PFKFB1: variants seen among roughly 807,000 people sequenced by gnomAD.
PFKFB1 encodes 6-phosphofructo-2-kinase/fructose-2,6-biphosphatase 1.
Under a neutral mutation model 46.4 loss-of-function variants are expected in PFKFB1, and 34 were observed. The ratio of observed to expected loss-of-function variants is 0.73; its 90% CI spans 0.56 to 0.98. PFKFB1 has a LOEUF of 0.98. Ranked by LOEUF, PFKFB1 falls within the 50% of genes least tolerant of loss-of-function variation. The pLI, the probability that PFKFB1 is intolerant of heterozygous loss-of-function variation, is 0.00. For synonymous variants in PFKFB1, 119 were observed against 133.8 expected (o/e 0.89, Z 0.76); for missense variants, 393 against 376.3 (o/e 1.04, Z -0.37).
intron 10 of PFKFB1, among the ~76,000 whole-genome samples, chrX:54,941,547 A>G (rs1602177715): frequency 8.9e-6 from 1 of 112,180 alleles, no homozygotes; most frequent in African/African-American, 3.2e-5. Context: ...AATTTACAAG[A>G]AAAAAACAAA....
Position 54,949,302 on chromosome X carries a change from A to G in PFKFB1, c.847-81T>C, listed in dbSNP as rs1316427844. On this transcript the variant is annotated intron_variant, in intron 8 of 13. Transcript: ENST00000375006. Reference sequence around the variant, plus strand: ...GCAGGGTGGCCATCAGAACAAGCTCAGATCTGCCACAAATTGAGTGGTGAT... The same window carrying G: ...GCAGGGTGGCCATCAGAACAAGCTCGGATCTGCCACAAATTGAGTGGTGAT... 7.9e-5 allele frequency: 63 copies of G among 798,429 alleles called. No individual in the cohort carries two copies. The Admixed American group carries it at 1.3e-3, about 17-fold the overall frequency. The allele number at this position is 798,429 out of a possible 1,213,427, so 65.8% of individuals were successfully genotyped here. A position where few individuals can be genotyped will look rare whatever the true frequency, so the allele number is the denominator to read the frequency against.
At chrX:54,959,238 G>A (rs1038918423) in intron 4 of PFKFB1, among the ~76,000 whole-genome samples, 3 of 110,484 alleles carry the variant, frequency 2.7e-5, no homozygotes, top group Non-Finnish European at 3.8e-5. Flanking sequence ...CAAAGTCACC[G>A]AGAGTTGCTG....
chrX:54,945,531 C>T lies in PFKFB1; in HGVS notation c.1006G>A (p.Glu336Lys). The change falls in exon 10 of 14, where the codon GAG (glutamate) becomes AAG (lysine). Residue 336 changes from glutamate (E) to lysine (K), a missense_variant. Physicochemically the swap from Glu to Lys is moderately conservative, Grantham distance 56 (BLOSUM62 1). Transcript: ENST00000375006. ...LNEIDAGVCE[E>K]MTYEEIQEHY... is the part of the protein sequence containing the mutation. The stretch of plus-strand genomic sequence containing the variant: ...TCCTGGATTTCTTCATAGGTCATCT[C>T]CTCACAGACACCCTGAGAAAAAGTA... The T allele has an allele frequency of 1.7e-6, 2 of 1,162,717 alleles. No homozygotes were observed. The highest frequency in any genetic ancestry group is 2.3e-6 in the Non-Finnish European group (2 of 854,264).
At chrX:54,980,507 G>C (rs1412348347) in intron 1 of PFKFB1, among the ~76,000 whole-genome samples, 1 of 110,718 alleles carries the variant, frequency 9.0e-6, no homozygotes, top group African/African-American at 3.3e-5. Context: ...TTGGATCTGA[G>C]AGCCTGACTA....
intron 10 of PFKFB1, among the ~76,000 whole-genome samples, chrX:54,938,139 G>A (rs1450392739): frequency 8.9e-6 from 1 of 112,170 alleles, no homozygotes. Context: ...GCCAATCATA[G>A]TAACTAAGAG....
chrX:54,963,515 T>G (rs1934383260), intron 1 of PFKFB1, 133 bp from the exon 2 acceptor site: 1 of 634,801 alleles, frequency 1.6e-6, no homozygotes, highest in Admixed American at 3.8e-5. Flanking sequence ...AAAGTGAAAA[T>G]TAAGAACTTC....
rs1933268966 is a variant in PFKFB1, at chrX:54,933,001, C to T, written c.*402G>A. On this transcript the variant is annotated 3_prime_UTR_variant, in exon 14 of 14. Transcript: ENST00000375006. ...CAAGGCCCACAGGAACTCACAGGCA[C>T]CTATCTTCTCCCCCATCTTTGGAGG... 1 of 145,641 alleles carries T rather than the reference C, an allele frequency of 6.9e-6. No homozygotes were observed. Among genetic ancestry groups the T allele is most frequent in the Admixed American group, 7.6e-5 (1 of 13,236 alleles). The allele number at this position is 145,641 out of a possible 1,213,427, so 12.0% of individuals were successfully genotyped here.
intron 10 of PFKFB1, among the ~76,000 whole-genome samples, chrX:54,938,462 G>C (rs1933488093): frequency 1.8e-5 from 2 of 111,472 alleles, no homozygotes; most frequent in East Asian, 2.8e-4. Flanking sequence ...ATTGGATAAA[G>C]AGTCAAGACC....
rs12010055 is a variant in PFKFB1, at chrX:54,948,828, C to T, written c.993+247G>A. Among the ~76,000 whole-genome samples, 622 of 111,989 alleles carry T rather than the reference C, an allele frequency of 5.6e-3. 3 individuals carry two copies. Among genetic ancestry groups the T allele is most frequent in the African/African-American group, 0.019 (586 of 30,837 alleles). On this transcript the variant is annotated intron_variant, in intron 9 of 13. Coordinates refer to ENST00000375006, the MANE Select transcript of PFKFB1 (RefSeq NM_002625.4). ...ATCCCTTCTACTTCTCCTCTCATAG[C>T]CCTTTGTCACACTGAGATGTAATGT... is the stretch of plus-strand genomic sequence containing the variant.
intron 1 of PFKFB1, among the ~76,000 whole-genome samples, chrX:54,987,874 A>C (rs188418191): frequency 1.8e-5 from 2 of 111,747 alleles, no homozygotes; most frequent in Non-Finnish European, 3.8e-5. Flanking sequence ...TGAATATCAC[A>C]CTTAATGGTG....
At chrX:54,996,315 T>C (rs1935356411), upstream of PFKFB1, among the ~76,000 whole-genome samples, 4 of 112,613 alleles carry the variant, frequency 3.6e-5, no homozygotes, top group Non-Finnish European at 1.9e-5. Context: ...CTTATCTTAT[T>C]TGATCCTTGC....
intron 11 of PFKFB1, among the ~76,000 whole-genome samples, chrX:54,935,983 T>A (rs1933375876): frequency 9.0e-6 from 1 of 111,325 alleles, no homozygotes; most frequent in Non-Finnish European, 1.9e-5. Flanking sequence ...AGACATTAGG[T>A]TGGCTTTTTT....
intron 8 of PFKFB1, 151 bp downstream of exon 8, chrX:54,951,754 C>G: frequency 2.0e-6 from 1 of 497,891 alleles, no homozygotes; most frequent in Non-Finnish European, 3.5e-6. Flanking sequence ...GACTGAGCAG[C>G]TGATGGGTGG....
intron 1 of PFKFB1, among the ~76,000 whole-genome samples, chrX:54,968,968 T>TA (rs1229685489): frequency 9.0e-6 from 1 of 111,347 alleles, no homozygotes; most frequent in African/African-American, 3.3e-5. Flanking sequence ...ATAAGAATCC[T>TA]AAAAAAATGC....
At chrX:54,971,695 A>G (rs2146656664) in intron 1 of PFKFB1, among the ~76,000 whole-genome samples, 1 of 111,685 alleles carries the variant, frequency 9.0e-6, no homozygotes, top group East Asian at 2.8e-4. Flanking sequence ...CCATTGATCT[A>G]TATCTCTGTT....
At position 54,958,327 on chromosome X, in the gene PFKFB1, G is replaced by A; in HGVS notation, c.495C>T (p.Gly165=). 1.7e-6 allele frequency: 2 copies of A among 1,185,482 alleles called. No homozygotes were observed. Among genetic ancestry groups the A allele is most frequent in the Non-Finnish European group, 2.3e-6 (2 of 872,687 alleles). The stretch of plus-strand genomic sequence containing the variant: ...TTACCCTGATGTTTTCTGCAATTAT[G>A]CCAGGGTCATTACAAATGGACTCAA... ...FFIESICNDP[G]IIAENIRQVK... is the part of the protein sequence containing the mutation. Residue 165 remains glycine, a synonymous_variant, in exon 6 of 14, where the codon GGC becomes GGT. Transcript: ENST00000375006.
At chrX:54,990,649 G>A in intron 1 of PFKFB1, among the ~76,000 whole-genome samples, 1 of 111,669 alleles carries the variant, frequency 9.0e-6, no homozygotes, top group East Asian at 2.8e-4. Flanking sequence ...CTGATTTTAT[G>A]AGGTTAGTGT....
At chrX:54,981,528 C>G (rs1445660407) in intron 1 of PFKFB1, among the ~76,000 whole-genome samples, 1 of 111,086 alleles carries the variant, frequency 9.0e-6, no homozygotes, top group Non-Finnish European at 1.9e-5. Context: ...TTCATGCAAA[C>G]AACTCTAAGA....
intron 7 of PFKFB1, among the ~76,000 whole-genome samples, chrX:54,952,492 C>T (rs1329139015): frequency 9.0e-6 from 1 of 110,646 alleles, no homozygotes; most frequent in Non-Finnish European, 1.9e-5. Flanking sequence ...TTACTGGCAG[C>T]TCCTGACTTG....
Sources: gnomAD v4.1 joint callset for allele counts (sites outside exome capture counted in the v4.1 genomes callset) on GRCh38, gnomAD v4.1.1 for gene constraint, MANE v1.5 for transcripts, NCBI Gene and HGNC (gene_info 2026-07-23, HGNC 2026-07-21) for gene names.